Variants in KLF7 observed in about 807,000 individuals in gnomAD.
KLF7 encodes the protein KLF transcription factor 7.
Under a neutral mutation model 27.3 loss-of-function variants are expected in KLF7, and 2 were observed. The observed-to-expected ratio is 0.07, with a 90% CI of 0.03 to 0.23. The LOEUF is 0.23. KLF7 is among the 10% of genes least tolerant of loss of function. The pLI, the probability that KLF7 is intolerant of heterozygous loss-of-function variation, is 1.00. For synonymous variants in KLF7, 165 were observed against 162.4 expected, an observed-to-expected ratio of 1.02 and a Z score of -0.12; for missense variants, 221 against 394.1, an observed-to-expected ratio of 0.56 and a Z score of 3.72.
intron 2 of KLF7, among the ~76,000 whole-genome samples, chr2:207,119,144 T>C (rs1395864155): frequency 1.3e-5 from 2 of 151,976 alleles, no homozygotes; most frequent in Non-Finnish European, 2.9e-5. Context: ...ATAGAGAGAG[T>C]CCTCCAAGCA....
chr2:207,086,928 C>A (rs1320768738), intron 3 of KLF7, among the ~76,000 whole-genome samples: 2 of 152,216 alleles, frequency 1.3e-5, no homozygotes, highest in East Asian at 3.8e-4. Context: ...AGAACACTCT[C>A]CTTCAAAAGA....
intron 1 of KLF7, chr2:207,148,951 G>A (rs1255001095): frequency 1.5e-5 from 14 of 943,732 alleles, no homozygotes; most frequent in Non-Finnish European, 1.8e-5. Flanking sequence ...AATTCTTGGT[G>A]CCCTTAATAT....
At chr2:207,087,291 G>C (rs987103960) in intron 3 of KLF7, among the ~76,000 whole-genome samples, 2 of 151,868 alleles carry the variant, frequency 1.3e-5, no homozygotes, top group Non-Finnish European at 2.9e-5. Flanking sequence ...AAGATAAGAG[G>C]AAAATAGCTT....
intron 2 of KLF7, among the ~76,000 whole-genome samples, chr2:207,114,263 C>T (rs755518820): frequency 6.6e-6 from 1 of 152,088 alleles, no homozygotes; most frequent in African/African-American, 2.4e-5. Context: ...TTTTAAAATA[C>T]CAATACTAGT....
At chr2:207,162,994 T>C (rs1241664100) in intron 1 of KLF7, among the ~76,000 whole-genome samples, 1 of 152,216 alleles carries the variant, frequency 6.6e-6, no homozygotes, top group Non-Finnish European at 1.5e-5. Context: ...AGTCTCAAAA[T>C]TTCATTATCC....
At chr2:207,113,728 T>G (rs1020604396) in intron 2 of KLF7, among the ~76,000 whole-genome samples, 1 of 151,894 alleles carries the variant, frequency 6.6e-6, no homozygotes. Context: ...CTGTATTTAA[T>G]GCTGATGTGG....
chr2:207,088,587 A>G lies in KLF7; in HGVS notation c.734-6T>C. 1 of 1,613,178 alleles carries G rather than the reference A, an allele frequency of 6.2e-7. No individual in the cohort carries two copies. The highest frequency in any genetic ancestry group is 1.1e-5 in the South Asian group (1 of 91,042). ...GCACTTATAAGGCTTCTCACCTGCA[A>G]GAAGAGATGGAAGGACCGTGGTCAG... is the stretch of plus-strand genomic sequence containing the variant. On this transcript the variant is annotated splice_region_variant and splice_polypyrimidine_tract_variant and intron_variant, in intron 2 of 3. Coordinates refer to ENST00000309446, the MANE Select transcript of KLF7 (RefSeq NM_003709.4).
chr2:207,164,969 G>A (rs1342346804), intron 1 of KLF7, among the ~76,000 whole-genome samples: 1 of 151,856 alleles, frequency 6.6e-6, no homozygotes, highest in Non-Finnish European at 1.5e-5. Context: ...GCTAATTACT[G>A]AAAAACACTC....
intron 1 of KLF7, among the ~76,000 whole-genome samples, chr2:207,153,666 A>G (rs181859847): frequency 5.2e-4 from 79 of 152,122 alleles, no homozygotes; most frequent in African/African-American, 1.8e-3. Context: ...GGAAAAAAAA[A>G]CCTCAGTGAG....
chr2:207,081,807 C>T (rs992183063), intron 3 of KLF7, among the ~76,000 whole-genome samples: 3 of 145,440 alleles, frequency 2.1e-5, no homozygotes, highest in African/African-American at 7.7e-5. Flanking sequence ...AGAAATACTG[C>T]TTGTGATACT....
intron 2 of KLF7, among the ~76,000 whole-genome samples, chr2:207,095,588 C>T (rs564090790): frequency 2.0e-5 from 3 of 152,156 alleles, no homozygotes; most frequent in Non-Finnish European, 2.9e-5. Flanking sequence ...CACATAGCAA[C>T]GAGCGCTTGA....
chr2:207,113,333 GAGAA>G (rs1559131433), intron 2 of KLF7, among the ~76,000 whole-genome samples: 1 of 151,982 alleles, frequency 6.6e-6, no homozygotes, highest in African/African-American at 2.4e-5. Flanking sequence ...AAAGTATGCC[GAGAA>G]AGAAAGATTT....
chr2:207,135,514 C>T (rs569537056), intron 1 of KLF7, among the ~76,000 whole-genome samples: 23 of 152,318 alleles, frequency 1.5e-4, no homozygotes, highest in African/African-American at 4.8e-4. Context: ...AAGAATGTGA[C>T]TCTTCAAAGA....
chr2:207,101,771 T>C (rs754485476), intron 2 of KLF7, among the ~76,000 whole-genome samples: 11 of 152,198 alleles, frequency 7.2e-5, no homozygotes, highest in Non-Finnish European at 1.5e-4. Flanking sequence ...TGGACTCTGA[T>C]AGAGTTGGGC....
rs561606463 is a variant in KLF7, at chr2:207,087,907, C to T, written c.857+551G>A. Among the ~76,000 whole-genome samples the T allele has an allele frequency of 2.0e-5, 3 of 152,186 alleles. No homozygotes were observed. In the East Asian group the frequency reaches 5.8e-4, roughly 29 times the overall value. The stretch of plus-strand genomic sequence containing the variant: ...GTTCTCAAAACCTTGTCATTTTTTG[C>T]ACCCTTGTACCTATTTTCAAGGAAG... On this transcript the variant is annotated intron_variant, in intron 3 of 3. Transcript: ENST00000309446.
At chr2:207,107,989 C>T (rs920502040) in intron 2 of KLF7, among the ~76,000 whole-genome samples, 14 of 152,172 alleles carry the variant, frequency 9.2e-5, no homozygotes, top group African/African-American at 2.9e-4. Context: ...TTACTCTTCT[C>T]GCAACAGATT....
At chr2:207,121,371 A>T (rs2077335667) in intron 2 of KLF7, 1 of 152,196 alleles carries the variant, frequency 6.6e-6, no homozygotes, top group Non-Finnish European at 1.5e-5. Context: ...AGCTACAATC[A>T]ACCCCACTAC....
intron 2 of KLF7, among the ~76,000 whole-genome samples, chr2:207,113,246 G>GT (rs562691440): frequency 4.6e-5 from 7 of 151,370 alleles, no homozygotes; most frequent in South Asian, 2.1e-4. Flanking sequence ...TATTTTGCCA[G>GT]TTTTTTTTTC....
intron 2 of KLF7, among the ~76,000 whole-genome samples, chr2:207,089,399 A>G (rs1318711856): frequency 6.6e-6 from 1 of 152,242 alleles, no homozygotes; most frequent in East Asian, 1.9e-4. Flanking sequence ...CTTTTCACAC[A>G]GTAAATACAG....
Sources: gnomAD v4.1 joint callset for allele counts (sites outside exome capture counted in the v4.1 genomes callset) on GRCh38, gnomAD v4.1.1 for gene constraint, MANE v1.5 for transcripts, NCBI Gene and HGNC (gene_info 2026-07-23, HGNC 2026-07-21) for gene names.